Variants in EGLN3 observed in about 807,000 individuals in gnomAD.
The protein encoded by EGLN3 is egl-9 family hypoxia inducible factor 3.
EGLN3 carries 15 observed loss-of-function variants against 26.0 expected under a neutral mutation model. The ratio of observed to expected loss-of-function variants is 0.58; its 90% CI spans 0.39 to 0.89. EGLN3 has a LOEUF of 0.89. Among genes scored for constraint, EGLN3 ranks in the 40% least tolerant of loss-of-function variants. EGLN3 has a pLI of 0.00. For missense variants in EGLN3, 238 were observed against 311.6 expected (o/e 0.76, Z 1.78); for synonymous variants, 147 against 127.2 (o/e 1.16, Z -1.05).
chr14:33,940,216 T>C (rs1769616), intron 1 of EGLN3, among the ~76,000 whole-genome samples: 96,457 of 151,938 alleles, frequency 0.63, 31,038 homozygotes, highest in African/African-American at 0.75. Context: ...CCCTGCAGGG[T>C]CCACATAGGC....
chr14:33,936,796 A>G (rs1462709048), intron 1 of EGLN3, among the ~76,000 whole-genome samples: 1 of 149,434 alleles, frequency 6.7e-6, no homozygotes. Context: ...CCTGAAAGAG[A>G]CATGCCCTTT....
intron 1 of EGLN3, among the ~76,000 whole-genome samples, chr14:33,944,645 CA>C (rs2064505227): frequency 1.3e-5 from 2 of 152,104 alleles, no homozygotes; most frequent in South Asian, 4.1e-4. Flanking sequence ...GGAGAAAACC[CA>C]AAGAGAAACA....
chr14:33,931,426 T>A (rs1314782490), intron 1 of EGLN3: 2 of 593,898 alleles, frequency 3.4e-6, no homozygotes, highest in African/African-American at 1.9e-5. Context: ...CAGTGGAAAG[T>A]AGTTCAACAA....
In EGLN3 at chr14:33,950,944, T is replaced by A; in HGVS notation, c.-192A>T. ...CAACTCTCGGGAGAAGGGATCTGCC[T>A]TCGGGAACCAGCGGGAGTGGTGCGG... On this transcript the variant is annotated 5_prime_UTR_variant, in exon 1 of 5. The change creates a new upstream start codon in the 5' untranslated region. Transcript: ENST00000250457. The A allele has an allele frequency of 1.6e-6, 1 of 616,016 alleles. No homozygotes were observed. Among genetic ancestry groups the A allele is most frequent in the Non-Finnish European group, 2.9e-6 (1 of 350,300 alleles). The allele number at this position is 616,016 out of a possible 1,614,324, so 38.2% of individuals were successfully genotyped here. A position where few individuals can be genotyped will look rare whatever the true frequency, so the allele number is the denominator to read the frequency against.
intron 3 of EGLN3, among the ~76,000 whole-genome samples, chr14:33,928,648 C>A (rs1379206489): frequency 6.6e-6 from 1 of 152,144 alleles, no homozygotes. Flanking sequence ...TTTCTCTTCT[C>A]AAGGCTCTTT....
At chr14:33,933,602 G>A (rs564618519) in intron 1 of EGLN3, among the ~76,000 whole-genome samples, 2 of 152,236 alleles carry the variant, frequency 1.3e-5, no homozygotes, top group East Asian at 3.9e-4. Flanking sequence ...GGCTACATTT[G>A]GCCAATTTTA....
At chr14:33,932,726 T>A (rs1029758851) in intron 1 of EGLN3, among the ~76,000 whole-genome samples, 1 of 152,174 alleles carries the variant, frequency 6.6e-6, no homozygotes, top group Non-Finnish European at 1.5e-5. Flanking sequence ...GGCTGTTAGC[T>A]TGAACATCTT....
rs2064357075 is a variant in EGLN3 at position 33,925,681 on chromosome 14, T to C, written c.*210A>G. 3.3e-6 allele frequency: 2 copies of C among 597,616 alleles called. No homozygotes were observed. Among genetic ancestry groups the C allele is most frequent in the Non-Finnish European group, 5.8e-6 (2 of 343,390 alleles). 37.0% of individuals were successfully genotyped at this position (597,616 alleles called of 1,614,324 possible). On this transcript the variant is annotated 3_prime_UTR_variant, in exon 5 of 5. Coordinates refer to ENST00000250457, the MANE Select transcript of EGLN3 (RefSeq NM_022073.4). Reference sequence around the variant, plus strand: ...TGCAGGAATTTCTGGAGTTAGCAAGTAACTTCATCTGGCAAAGAGAGTATC... The same window carrying C: ...TGCAGGAATTTCTGGAGTTAGCAAGCAACTTCATCTGGCAAAGAGAGTATC...
intron 1 of EGLN3, among the ~76,000 whole-genome samples, chr14:33,942,883 G>A (rs966204181): frequency 1.3e-5 from 2 of 152,132 alleles, no homozygotes; most frequent in Non-Finnish European, 2.9e-5. Context: ...ATTTAATAAG[G>A]AGGTATTGAC....
chr14:33,950,779 T>TTTTTTTAATGATA lies in EGLN3; in HGVS notation c.-28_-27insTATCATTAAAAAA. Reference sequence around the variant, plus strand: ...TCGCCCGCAGAATCGAGGTCCGGGATCCCCAGCGTGCAACCAGAGAGGGAA... The same window carrying TTTTTTTAATGATA: ...TCGCCCGCAGAATCGAGGTCCGGGATTTTTTTAATGATACCCCAGCGTGCAACCAGAGAGGGAA... On this transcript the variant is annotated 5_prime_UTR_variant, in exon 1 of 5. Transcript: ENST00000250457. 1 of 1,569,912 alleles carries TTTTTTTAATGATA rather than the reference T, an allele frequency of 6.4e-7. No homozygotes were observed.
rs946110855 is a variant in EGLN3, at chr14:33,943,686, G to A, written c.357+6710C>T. ...GTGAGCAGCCTTCCAAGCTTTATCC[G>A]GAAGTACACAAGATGCTGGCAGTGC... On this transcript the variant is annotated intron_variant, in intron 1 of 4. Transcript: ENST00000250457. 7.2e-5 allele frequency among the ~76,000 whole-genome samples: 11 copies of A among 152,152 alleles called. No individual in the cohort carries two copies. The East Asian group carries it at 1.2e-3, about 16-fold the overall frequency.
intron 2 of EGLN3, 143 bp from the exon 3 acceptor site, chr14:33,929,355 A>C (rs968312276): frequency 7.7e-6 from 8 of 1,044,078 alleles, no homozygotes; most frequent in Non-Finnish European, 1.1e-5. Flanking sequence ...TCAACCTCAT[A>C]GTTTGTACCA....
intron 1 of EGLN3, among the ~76,000 whole-genome samples, chr14:33,940,733 G>A (rs190140739): frequency 6.6e-6 from 1 of 152,236 alleles, no homozygotes; most frequent in African/African-American, 2.4e-5. Flanking sequence ...TAAAGGTAAA[G>A]AGGAATTAGT....
intron 4 of EGLN3, 66 bp downstream of exon 4, chr14:33,926,889 AACTAC>A: frequency 8.5e-7 from 1 of 1,177,376 alleles, no homozygotes. Context: ...ACATGTTTAA[AACTAC>A]ATAAAATTGA....
chr14:33,950,614 C>T lies in EGLN3; in HGVS notation c.139G>A (p.Val47Ile). ...EVVGDCVLER[V>I]KQLHCTGALR... ...GCCCCGGTGCAGTGCAGCTGCTTGA[C>T]GCGCTCCAGGACGCAGTCGCCCACC... Residue 47 changes from valine (V) to isoleucine (I), a missense_variant, in exon 1 of 5, where the codon GTC (valine) becomes ATC (isoleucine). Physicochemically the swap from Val to Ile is conservative, Grantham distance 29 (BLOSUM62 3). Transcript: ENST00000250457. 2.5e-6 allele frequency: 4 copies of T among 1,613,730 alleles called. No homozygotes were observed. The highest frequency in any genetic ancestry group is 3.4e-6 in the Non-Finnish European group (4 of 1,179,920).
intron 1 of EGLN3, among the ~76,000 whole-genome samples, chr14:33,938,988 C>G (rs2064461439): frequency 2.0e-5 from 3 of 152,322 alleles, no homozygotes; most frequent in Admixed American, 1.3e-4. Context: ...TCACCTATGG[C>G]TCTCTAAAGG....
intron 1 of EGLN3, among the ~76,000 whole-genome samples, chr14:33,946,733 A>G (rs1388807088): frequency 1.3e-5 from 2 of 152,198 alleles, no homozygotes; most frequent in African/African-American, 4.8e-5. Context: ...AACACTGATG[A>G]AGGCTCGGAA....
Position 33,929,176 on chromosome 14 carries a change from T to C in EGLN3, c.514A>G (p.Lys172Glu). The change falls in exon 3 of 5, where the codon AAA becomes GAA. Residue 172 changes from lysine to glutamate, a missense_variant. Transcript: ENST00000250457. Reference sequence around the variant, plus strand: ...GGCTCCACATCTGCTATGAATGATTTCCCCTCTGGAAATATCCGCAGGATC... The same window carrying C: ...GGCTCCACATCTGCTATGAATGATTCCCCCTCTGGAAATATCCGCAGGATC... ...GGILRIFPEG[K>E]SFIADVEPIF... The C allele has an allele frequency of 6.2e-7, 1 of 1,614,162 alleles. No homozygotes were observed. The highest frequency in any genetic ancestry group is 8.5e-7 in the Non-Finnish European group (1 of 1,180,024).
chr14:33,925,725 T>C lies in EGLN3; in HGVS notation c.*166A>G. Reference sequence around the variant, plus strand: ...GAGTATCTGAAGATCAACACAGTCTTGGCAAGAAAACATGAAGTACCACAC... The same window carrying C: ...GAGTATCTGAAGATCAACACAGTCTCGGCAAGAAAACATGAAGTACCACAC... On this transcript the variant is annotated 3_prime_UTR_variant, in exon 5 of 5. Transcript: ENST00000250457. 1 of 739,152 alleles carries C rather than the reference T, an allele frequency of 1.4e-6. No individual in the cohort carries two copies. The highest frequency in any genetic ancestry group is 2.2e-6 in the Non-Finnish European group (1 of 448,614). The allele number at this position is 739,152 out of a possible 1,614,324, so 45.8% of individuals were successfully genotyped here.
Sources: gnomAD v4.1 joint callset for allele counts (sites outside exome capture counted in the v4.1 genomes callset) on GRCh38, gnomAD v4.1.1 for gene constraint, MANE v1.5 for transcripts, NCBI Gene and HGNC (gene_info 2026-07-23, HGNC 2026-07-21) for gene names.